Variants in AIDA observed in about 807,000 individuals in gnomAD.
The protein encoded by AIDA is axin interactor, dorsalization associated, also known as axin interactor, dorsalization-associated protein.
A neutral mutation model predicts 42.7 loss-of-function variants in AIDA; 18 were observed. The observed-to-expected ratio is 0.42, with a 90% CI of 0.29 to 0.63. The LOEUF is 0.63. Among genes scored for constraint, AIDA ranks in the 20% least tolerant of loss-of-function variants. The pLI is 0.19. For synonymous variants in AIDA, 104 were observed against 122.9 expected (o/e 0.85, Z 1.02); for missense variants, 250 against 354.1 (o/e 0.71, Z 2.36).
intron 2 of AIDA, among the ~76,000 whole-genome samples, chr1:222,694,920 T>C (rs1449283837): frequency 6.6e-6 from 1 of 152,188 alleles, no homozygotes; most frequent in African/African-American, 2.4e-5. Context: ...TGCCACTATA[T>C]GACCTAAAGA....
intron 4 of AIDA, among the ~76,000 whole-genome samples, chr1:222,689,481 G>GTATGTATATATATATA: frequency 2.8e-5 from 1 of 35,366 alleles, no homozygotes; most frequent in Non-Finnish European, 5.9e-5. Flanking sequence ...GTGTGTGTGT[G>GTATGTATATATATATA]TATATATATA....
chr1:222,700,749 C>T (rs569365416), intron 2 of AIDA, among the ~76,000 whole-genome samples: 120 of 143,854 alleles, frequency 8.3e-4, no homozygotes, highest in African/African-American at 3.1e-3. Flanking sequence ...AGCAAGACTC[C>T]GTCTCAAAAA....
chr1:222,690,191 T>C (rs1027934234), intron 4 of AIDA, among the ~76,000 whole-genome samples: 1 of 152,196 alleles, frequency 6.6e-6, no homozygotes, highest in African/African-American at 2.4e-5. Flanking sequence ...TGTCATTAAG[T>C]GACAAATGAT....
chr1:222,689,234 T>C (rs1420399157), intron 4 of AIDA, among the ~76,000 whole-genome samples: 1 of 151,268 alleles, frequency 6.6e-6, no homozygotes, highest in Admixed American at 6.6e-5. Context: ...AGACAGGAGT[T>C]TGAGACCAGC....
At chr1:222,704,492 T>C (rs1655790524) in intron 1 of AIDA, among the ~76,000 whole-genome samples, 1 of 152,200 alleles carries the variant, frequency 6.6e-6, no homozygotes, top group Non-Finnish European at 1.5e-5. Flanking sequence ...AATGAAGTAC[T>C]ACTAACATGT....
At chr1:222,703,511 T>G (rs1403692760) in intron 1 of AIDA, among the ~76,000 whole-genome samples, 1 of 152,190 alleles carries the variant, frequency 6.6e-6, no homozygotes, top group Non-Finnish European at 1.5e-5. Flanking sequence ...TTCTTTAGTA[T>G]GCATGACTTT....
At chr1:222,702,140 G>A (rs1330936502) in intron 2 of AIDA, among the ~76,000 whole-genome samples, 1 of 152,072 alleles carries the variant, frequency 6.6e-6, no homozygotes, top group African/African-American at 2.4e-5. Context: ...ATACAAACTT[G>A]TGTAAGAAAT....
At position 222,687,706 on chromosome 1, in the gene AIDA, C is replaced by T. The variant is rs780237814; in HGVS notation, c.290-48G>A. On this transcript the variant is annotated intron_variant, in intron 4 of 9. Transcript: ENST00000340020. ...CATGAATTCTTCCATGAAGCAAAAT[C>T]AAAAATTATATCTTAAATGATTAAT... 2.3e-6 allele frequency: 3 copies of T among 1,287,730 alleles called. No individual in the cohort carries two copies. In the South Asian group the frequency reaches 4.2e-5, roughly 18 times the overall value. The allele number at this position is 1,287,730 out of a possible 1,614,324, so 79.8% of individuals were successfully genotyped here.
chr1:222,703,996 T>C (rs1462552783), intron 1 of AIDA, among the ~76,000 whole-genome samples: 4 of 152,168 alleles, frequency 2.6e-5, no homozygotes, highest in African/African-American at 4.8e-5. Context: ...TTTGAATAGA[T>C]AGTTCTCCAA....
At chr1:222,697,073 G>C (rs1655540527) in intron 2 of AIDA, among the ~76,000 whole-genome samples, 2 of 152,004 alleles carry the variant, frequency 1.3e-5, no homozygotes, top group African/African-American at 4.8e-5. Flanking sequence ...CTCTCGAGTA[G>C]CTGGGATTAC....
At chr1:222,701,616 TA>T (rs1474798292) in intron 2 of AIDA, among the ~76,000 whole-genome samples, 1 of 152,214 alleles carries the variant, frequency 6.6e-6, no homozygotes, top group East Asian at 1.9e-4. Flanking sequence ...AGCAAATCAG[TA>T]ATTTCCACTG....
At chr1:222,690,347 T>C (rs74874443) in intron 4 of AIDA, among the ~76,000 whole-genome samples, 265 of 152,334 alleles carry the variant, frequency 1.7e-3, no homozygotes, top group African/African-American at 6.1e-3. Context: ...CATTCTGGCA[T>C]GTAAACTTAA....
chr1:222,696,543 C>G (rs1304002265), intron 2 of AIDA, among the ~76,000 whole-genome samples: 1 of 152,136 alleles, frequency 6.6e-6, no homozygotes, highest in Non-Finnish European at 1.5e-5. Flanking sequence ...ATGCCTTCTC[C>G]CATCCAAGTA....
At chr1:222,670,047 G>T (rs573098865) in intron 9 of AIDA, 58 bp from the exon 10 acceptor site, 1 of 1,610,822 alleles carries the variant, frequency 6.2e-7, no homozygotes, top group South Asian at 1.1e-5. Context: ...AACTCTTCAA[G>T]GTTAAATACT....
At chr1:222,702,259 A>C (rs1467240728) in intron 2 of AIDA, among the ~76,000 whole-genome samples, 1 of 152,222 alleles carries the variant, frequency 6.6e-6, no homozygotes, top group African/African-American at 2.4e-5. Flanking sequence ...TTACCATAAA[A>C]GTGTGGAAAA....
chr1:222,690,121 G>A (rs1035896683), intron 4 of AIDA, among the ~76,000 whole-genome samples: 4 of 152,142 alleles, frequency 2.6e-5, no homozygotes, highest in African/African-American at 7.2e-5. Context: ...TTGTGTAAGT[G>A]CACTCTATGA....
rs1467547188 is a variant in AIDA, at chr1:222,693,799, C to T, written c.279G>A (p.Lys93=). Residue 93 remains lysine (K), a synonymous_variant, in exon 4 of 10, where the codon AAG becomes AAA. Coordinates refer to ENST00000340020, the MANE Select transcript of AIDA (RefSeq NM_022831.4). Reference sequence around the variant, plus strand: ...TAAACTTAAACTTACTTGGTTCTAGCTTCTTCAGGTCCTCCAGTTTAAATT... The same window carrying T: ...TAAACTTAAACTTACTTGGTTCTAGTTTCTTCAGGTCCTCCAGTTTAAATT... ...QEEFKLEDLK[K]LEPILKNILT... 1 of 1,609,398 alleles carries T rather than the reference C, an allele frequency of 6.2e-7. No individual in the cohort carries two copies. Among genetic ancestry groups the T allele is most frequent in the Non-Finnish European group, 8.5e-7 (1 of 1,176,854 alleles).
At chr1:222,707,302 C>G (rs950883781) in intron 1 of AIDA, among the ~76,000 whole-genome samples, 3 of 151,994 alleles carry the variant, frequency 2.0e-5, no homozygotes, top group African/African-American at 7.3e-5. Flanking sequence ...AGACCACAGG[C>G]GTGTACCACC....
chr1:222,699,864 C>T (rs1484385196), intron 2 of AIDA, among the ~76,000 whole-genome samples: 1 of 151,972 alleles, frequency 6.6e-6, no homozygotes, highest in Non-Finnish European at 1.5e-5. Context: ...CTCCGCCTCC[C>T]GGGTTCATGC....
Sources: gnomAD v4.1 joint callset for allele counts (sites outside exome capture counted in the v4.1 genomes callset) on GRCh38, gnomAD v4.1.1 for gene constraint, MANE v1.5 for transcripts, NCBI Gene and HGNC (gene_info 2026-07-23, HGNC 2026-07-21) for gene names.